Variants in HERC2 observed in about 807,000 individuals in gnomAD.
HERC2 encodes the protein E3 ubiquitin-protein ligase HERC2.
In HERC2, 102 loss-of-function variants were observed where a neutral mutation model predicts 537.7. The observed-to-expected ratio is 0.19, with a 90% CI of 0.16 to 0.22. The LOEUF is 0.22. Among genes scored for constraint, HERC2 ranks in the 10% least tolerant of loss-of-function variants. The pLI is 1.00. For missense variants in HERC2, 4,236 were observed against 6,198.2 expected (o/e 0.68, Z 10.63); for synonymous variants, 2,224 against 2,466.2 (o/e 0.90, Z 2.91).
chr15:28,274,690 G>A (rs905878784), intron 6 of HERC2, among the ~76,000 whole-genome samples: 2 of 152,164 alleles, frequency 1.3e-5, no homozygotes, highest in Admixed American at 6.5e-5. Context: ...TGGTTGACGT[G>A]GGGGTGGGGG....
intron 48 of HERC2, 106 bp from the exon 49 acceptor site, chr15:28,198,875 T>C (rs2158402): frequency 9.0e-7 from 1 of 1,109,074 alleles, no homozygotes; most frequent in Non-Finnish European, 1.3e-6. Context: ...TGACTGGGCA[T>C]GGTGGCTCAC....
At chr15:28,242,783 C>T (rs963063056) in intron 23 of HERC2, among the ~76,000 whole-genome samples, 1 of 151,946 alleles carries the variant, frequency 6.6e-6, no homozygotes, top group East Asian at 1.9e-4. Context: ...GTAATTCACA[C>T]ATTAATAAAA....
intron 2 of HERC2, among the ~76,000 whole-genome samples, chr15:28,308,302 T>A (rs1596457205): frequency 1.3e-5 from 2 of 152,346 alleles, no homozygotes; most frequent in African/African-American, 4.8e-5. Context: ...GGTATTTAAT[T>A]TCATGTGTGG....
rs772936911 is a variant in HERC2 at position 28,236,963 on chromosome 15, T to G, written c.4003A>C (p.Lys1335Gln). The part of the protein sequence containing the change: ...PLSPVEIECA[K>Q]WLQSSIFSGG... The stretch of plus-strand genomic sequence containing the variant: ...CAGCAAAAAGCAAAGATTTTCTTAC[T>G]GGCACATTCAATCTCGACAGGAGAC... The change falls in exon 26 of 93, where the codon AAA (lysine) becomes CAA (glutamine). Residue 1335 changes from lysine (K) to glutamine (Q), a missense_variant and splice_region_variant. This residue lies in a region of HERC2 where 754 missense variants were observed against 1,085.0 expected (regional missense o/e 0.69). Coordinates refer to ENST00000261609, the MANE Select transcript of HERC2 (RefSeq NM_004667.6). 1 of 1,611,648 alleles carries G rather than the reference T, an allele frequency of 6.2e-7. No homozygotes were observed. Among genetic ancestry groups the G allele is most frequent in the Non-Finnish European group, 8.5e-7 (1 of 1,179,556 alleles).
chr15:28,292,954 C>G lies in HERC2; in HGVS notation c.256G>C (p.Glu86Gln). The G allele has an allele frequency of 6.2e-7, 1 of 1,611,232 alleles. No homozygotes were observed. The highest frequency in any genetic ancestry group is 8.5e-7 in the Non-Finnish European group (1 of 1,179,394). ...LNDKEKKDEE[E>Q]TPAPIYRAKS... ...GCCCTATATATAGGTGCAGGAGTTT[C>G]TTCTTCATCTTTTTTCTCTTTGTCA... Residue 86 changes from glutamate to glutamine, a missense_variant, in exon 4 of 93, where the codon GAA (glutamate) becomes CAA (glutamine). Transcript: ENST00000261609.
intron 81 of HERC2, among the ~76,000 whole-genome samples, chr15:28,131,417 AC>A (rs1369022880): frequency 2.0e-5 from 3 of 152,202 alleles, no homozygotes; most frequent in African/African-American, 7.2e-5. Flanking sequence ...GTTCGCAGCA[AC>A]AGGCTCCCAA....
chr15:28,116,467 T>A lies in HERC2; in HGVS notation c.13609+198A>T, dbSNP rs546502917. Among the ~76,000 whole-genome samples, 15 of 152,280 alleles carry A rather than the reference T, an allele frequency of 9.9e-5. 1 individual carries two copies. In the Middle Eastern group the frequency reaches 0.014, roughly 138 times the overall value. On this transcript the variant is annotated intron_variant, in intron 88 of 92. Transcript: ENST00000261609. The stretch of plus-strand genomic sequence containing the variant: ...CCTGACCTCAGGCAATCTGCCTGCC[T>A]CAGCCTCCCAAAGTGCTAGGGTTAT...
chr15:28,146,006 AG>A (rs1891692512), intron 71 of HERC2, among the ~76,000 whole-genome samples: 1 of 152,232 alleles, frequency 6.6e-6, no homozygotes, highest in African/African-American at 2.4e-5. Flanking sequence ...CTGATGAGGC[AG>A]GGCCCATCCG....
At chr15:28,155,004 G>A (rs934395575) in intron 69 of HERC2, among the ~76,000 whole-genome samples, 2 of 147,364 alleles carry the variant, frequency 1.4e-5, no homozygotes, top group African/African-American at 5.0e-5. Flanking sequence ...CTATAAGTGA[G>A]AACATGCAGT....
In HERC2 at chr15:28,115,552, A is replaced by G. The variant is rs772436202; in HGVS notation, c.13610-11T>C. 2 of 1,600,358 alleles carry G rather than the reference A, an allele frequency of 1.2e-6. No homozygotes were observed. The highest frequency in any genetic ancestry group is 1.3e-5 in the African/African-American group (1 of 74,588). On this transcript the variant is annotated splice_polypyrimidine_tract_variant and intron_variant, in intron 88 of 92. Coordinates refer to ENST00000261609, the MANE Select transcript of HERC2 (RefSeq NM_004667.6). Reference sequence around the variant, plus strand: ...TGCCCAGCAACACACCTGATCATTCAGGACACAAGTGACAGAGGACACTTC... The same window carrying G: ...TGCCCAGCAACACACCTGATCATTCGGGACACAAGTGACAGAGGACACTTC...
chr15:28,140,867 A>G (rs984476397), intron 78 of HERC2, among the ~76,000 whole-genome samples: 1 of 152,126 alleles, frequency 6.6e-6, no homozygotes, highest in African/African-American at 2.4e-5. Context: ...ATAGCAAACA[A>G]GAAATACATC....
chr15:28,174,905 TCTAA>T (rs1458993682), intron 64 of HERC2, among the ~76,000 whole-genome samples: 2 of 152,168 alleles, frequency 1.3e-5, no homozygotes, highest in African/African-American at 2.4e-5. Flanking sequence ...AGGTCCTCTC[TCTAA>T]CTAAGTGTAA....
chr15:28,318,515 C>A (rs183874824), intron 2 of HERC2, among the ~76,000 whole-genome samples: 16 of 152,186 alleles, frequency 1.1e-4, no homozygotes, highest in Admixed American at 2.0e-4. Context: ...GTAGTCCCAG[C>A]TACTCGGGAG....
In HERC2 at chr15:28,289,893, C is replaced by T. The variant is rs143915369; in HGVS notation, c.322+2995G>A. On this transcript the variant is annotated intron_variant, in intron 4 of 92. Transcript: ENST00000261609. ...GGACGACACATCTGAGAGGAAGACA[C>T]ACCTCAGTGAGAGGACTACACACCT... 2.1e-3 allele frequency among the ~76,000 whole-genome samples: 319 copies of T among 152,096 alleles called. 1 individual carries two copies. Among genetic ancestry groups the T allele is most frequent in the Non-Finnish European group, 3.5e-3 (237 of 67,998 alleles).
intron 70 of HERC2, among the ~76,000 whole-genome samples, chr15:28,147,579 G>C (rs1420823971): frequency 1.3e-5 from 2 of 152,074 alleles, no homozygotes; most frequent in African/African-American, 4.8e-5. Context: ...TGGGGCTGTA[G>C]TGAGCCACGA....
At chr15:28,228,440 T>C (rs772737430) in intron 34 of HERC2, 31 bp from the exon 35 acceptor site, 1 of 1,596,296 alleles carries the variant, frequency 6.3e-7, no homozygotes, top group South Asian at 1.1e-5. Context: ...CTGACATTTC[T>C]TGTGATGGAT....
rs572494939 is a variant in HERC2, at chr15:28,295,555, T to C, written c.188-2533A>G. ...CTGGGATTACAGGCGTGCATCACCA[T>C]GCCCAGCTAATTTTTTGTTTTTAGT... is the stretch of plus-strand genomic sequence containing the variant. On this transcript the variant is annotated intron_variant, in intron 3 of 92. Coordinates refer to ENST00000261609, the MANE Select transcript of HERC2 (RefSeq NM_004667.6). 9.9e-5 allele frequency among the ~76,000 whole-genome samples: 15 copies of C among 152,206 alleles called. No homozygotes were observed. The South Asian group carries it at 3.1e-3, about 32-fold the overall frequency.
chr15:28,151,585 C>T (rs1017444415), intron 70 of HERC2, among the ~76,000 whole-genome samples: 3 of 152,048 alleles, frequency 2.0e-5, no homozygotes, highest in Non-Finnish European at 4.4e-5. Flanking sequence ...TGGCAACCTA[C>T]AAAAAACCGA....
At position 28,146,274 on chromosome 15, in the gene HERC2, G is replaced by C; in HGVS notation, c.10971C>G (p.Val3657=). 1 of 1,614,020 alleles carries C rather than the reference G, an allele frequency of 6.2e-7. No homozygotes were observed. The highest frequency in any genetic ancestry group is 8.5e-7 in the Non-Finnish European group (1 of 1,180,000). The change falls in exon 71 of 93, where the codon GTC becomes GTG. Residue 3657 remains valine, a synonymous_variant. Transcript: ENST00000261609. Reference sequence around the variant, plus strand: ...AGACGATCCTGTTGACGCCGTCCATGACTGTGAGAGGGTCGTGGCGCCTCT... The same window carrying C: ...AGACGATCCTGTTGACGCCGTCCATCACTGTGAGAGGGTCGTGGCGCCTCT... The part of the protein sequence containing the change: ...STERRHDPLT[V]MDGVNRIVSV...
Sources: allele counts gnomAD v4.1 joint callset (sites outside exome capture counted in the v4.1 genomes callset), GRCh38; gene constraint gnomAD v4.1.1; regional missense constraint gnomAD v4.1.1; transcripts MANE v1.5; gene names NCBI Gene and HGNC (gene_info 2026-07-23, HGNC 2026-07-21).